MARCHF1: variants seen among roughly 807,000 people sequenced by gnomAD.
The protein encoded by MARCHF1 is E3 ubiquitin-protein ligase MARCHF1.
Under a neutral mutation model 54.2 loss-of-function variants are expected in MARCHF1, and 40 were observed. The observed-to-expected ratio is 0.74, with a 90% CI of 0.57 to 0.96. MARCHF1 has a LOEUF of 0.96. MARCHF1 is among the 40% of genes least tolerant of loss of function. The pLI is 0.00. For synonymous variants in MARCHF1, 236 were observed against 236.3 expected (o/e 1.00, Z 0.01); for missense variants, 586 against 656.5 (o/e 0.89, Z 1.17).
At chr4:163,829,505 G>A (rs563648925) in intron 4 of MARCHF1, among the ~76,000 whole-genome samples, 6 of 152,192 alleles carry the variant, frequency 3.9e-5, no homozygotes, top group African/African-American at 1.4e-4. Flanking sequence ...CACCCACAGA[G>A]CAAGAAACGT....
chr4:163,733,550 A>G (rs893709959), intron 4 of MARCHF1, among the ~76,000 whole-genome samples: 10 of 151,062 alleles, frequency 6.6e-5, no homozygotes, highest in African/African-American at 9.7e-5. Flanking sequence ...GGTGTGCTGC[A>G]CTCATTAACT....
At chr4:163,998,507 G>A (rs1028045113) in intron 2 of MARCHF1, among the ~76,000 whole-genome samples, 1 of 151,450 alleles carries the variant, frequency 6.6e-6, no homozygotes, top group Non-Finnish European at 1.5e-5. Flanking sequence ...TTTGTTGTAA[G>A]GAAAATTAAA....
chr4:164,100,002 G>A (rs1286420610), intron 2 of MARCHF1, among the ~76,000 whole-genome samples: 1 of 152,122 alleles, frequency 6.6e-6, no homozygotes, highest in Non-Finnish European at 1.5e-5. Flanking sequence ...TTTGGTAACT[G>A]ATAGTCTCTG....
intron 1 of MARCHF1, among the ~76,000 whole-genome samples, chr4:164,219,522 C>T (rs914416086): frequency 6.6e-6 from 1 of 151,898 alleles, no homozygotes; most frequent in Admixed American, 6.6e-5. Context: ...TTATGTCAAT[C>T]CAGTTTTTCT....
At position 164,224,135 on chromosome 4, in the gene MARCHF1, C is replaced by T. The variant is rs80150410; in HGVS notation, c.-322-112473G>A. 6.1e-4 allele frequency among the ~76,000 whole-genome samples: 93 copies of T among 151,506 alleles called. No homozygotes were observed. In the East Asian group the frequency reaches 0.016, roughly 27 times the overall value. ...CAGGACAGCTTTGAATGAGGTCCAA[C>T]ACAAATTCGTATTAGGCCGCATTCA... On this transcript the variant is annotated intron_variant, in intron 1 of 9. Transcript: ENST00000514618.
intron 2 of MARCHF1, among the ~76,000 whole-genome samples, chr4:164,098,552 T>C (rs1292314056): frequency 2.0e-5 from 3 of 152,230 alleles, no homozygotes; most frequent in African/African-American, 7.2e-5. Context: ...TACACTTCAA[T>C]CTTATTCTGG....
At chr4:164,158,858 G>T (rs143761303) in intron 1 of MARCHF1, among the ~76,000 whole-genome samples, 1 of 151,914 alleles carries the variant, frequency 6.6e-6, no homozygotes, top group Non-Finnish European at 1.5e-5. Context: ...TCTTCAAGGC[G>T]CAGTTTAAAT....
At chr4:163,673,095 G>A (rs1743792127) in intron 5 of MARCHF1, among the ~76,000 whole-genome samples, 1 of 152,230 alleles carries the variant, frequency 6.6e-6, no homozygotes, top group Admixed American at 6.5e-5. Flanking sequence ...GGAGTAGGAA[G>A]TGGCTATCTT....
intron 1 of MARCHF1, among the ~76,000 whole-genome samples, chr4:164,276,527 A>G (rs1183439700): frequency 6.6e-6 from 1 of 151,010 alleles, no homozygotes; most frequent in Non-Finnish European, 1.5e-5. Flanking sequence ...ACATGTATAT[A>G]TACGTGTGTG....
intron 8 of MARCHF1, 63 bp from the exon 9 acceptor site, chr4:163,545,806 A>G (rs555884097): frequency 1.3e-6 from 2 of 1,488,822 alleles, no homozygotes; most frequent in South Asian, 1.2e-5. Flanking sequence ...CTCCTCTTTT[A>G]TTTCCCAGAC....
intron 5 of MARCHF1, among the ~76,000 whole-genome samples, chr4:163,631,633 C>T (rs1420533824): frequency 6.6e-6 from 1 of 152,130 alleles, no homozygotes; most frequent in African/African-American, 2.4e-5. Context: ...AGGGAATATA[C>T]AACTTACGTA....
At chr4:163,555,908 T>C (rs754442858) in intron 8 of MARCHF1, 1 of 456,224 alleles carries the variant, frequency 2.2e-6, no homozygotes, top group South Asian at 1.5e-5. Context: ...TCACTCTCTG[T>C]GCCTAAGTGA....
chr4:163,728,534 G>T (rs954625190), intron 4 of MARCHF1, among the ~76,000 whole-genome samples: 9 of 151,942 alleles, frequency 5.9e-5, no homozygotes, highest in African/African-American at 1.7e-4. Context: ...ATATTTACAC[G>T]TAAGTCTTCA....
At chr4:164,132,833 A>G (rs1245910190) in intron 1 of MARCHF1, among the ~76,000 whole-genome samples, 1 of 152,050 alleles carries the variant, frequency 6.6e-6, no homozygotes, top group Non-Finnish European at 1.5e-5. Context: ...GTGTATGTAT[A>G]TTTATTTATA....
chr4:163,907,593 C>T (rs1390996109), intron 3 of MARCHF1, among the ~76,000 whole-genome samples: 3 of 152,076 alleles, frequency 2.0e-5, no homozygotes, highest in African/African-American at 7.2e-5. Flanking sequence ...TCTACAATAA[C>T]TTCTCAGTTG....
intron 1 of MARCHF1, among the ~76,000 whole-genome samples, chr4:164,305,053 G>A (rs905045811): frequency 2.0e-5 from 3 of 151,894 alleles, no homozygotes. Context: ...ACATTGCTTT[G>A]GCCATACTGG....
At chr4:164,288,665 A>G (rs546242955) in intron 1 of MARCHF1, among the ~76,000 whole-genome samples, 6 of 152,190 alleles carry the variant, frequency 3.9e-5, no homozygotes, top group African/African-American at 1.4e-4. Flanking sequence ...ATTTCCCTCA[A>G]ATCCAAAAAC....
At chr4:163,547,294 T>G (rs1313260819) in intron 8 of MARCHF1, among the ~76,000 whole-genome samples, 2 of 152,262 alleles carry the variant, frequency 1.3e-5, no homozygotes, top group African/African-American at 4.8e-5. Context: ...TCACTTCTTC[T>G]GTTAACAAAC....
At chr4:163,729,746 C>T (rs1194264637) in intron 4 of MARCHF1, among the ~76,000 whole-genome samples, 1 of 152,074 alleles carries the variant, frequency 6.6e-6, no homozygotes, top group Non-Finnish European at 1.5e-5. Flanking sequence ...TTCTCTCAGA[C>T]ATTTTGGCAT....
Sources: allele counts gnomAD v4.1 joint callset (sites outside exome capture counted in the v4.1 genomes callset), GRCh38; gene constraint gnomAD v4.1.1; transcripts MANE v1.5; gene names NCBI Gene and HGNC (gene_info 2026-07-23, HGNC 2026-07-21).